Variants in TRPM3 observed in about 807,000 individuals in gnomAD.
TRPM3 encodes the protein transient receptor potential cation channel subfamily M member 3.
A neutral mutation model predicts 181.2 loss-of-function variants in TRPM3; 77 were observed. The observed-to-expected ratio is 0.42, with a 90% CI of 0.35 to 0.51. The LOEUF is 0.51. Ranked by LOEUF, TRPM3 falls within the 20% of genes least tolerant of loss-of-function variation. The pLI is 0.01. For synonymous variants in TRPM3, 745 were observed against 796.4 expected (o/e 0.94, Z 1.09); for missense variants, 1,759 against 2,196.7 (o/e 0.80, Z 3.98).
chr9:71,372,292 C>T (rs2132809239), intron 1 of TRPM3, among the ~76,000 whole-genome samples: 1 of 152,256 alleles, frequency 6.6e-6, no homozygotes, highest in South Asian at 2.1e-4. Flanking sequence ...CTTCAATGAA[C>T]ATACGCATCC....
upstream of TRPM3, chr9:71,121,628 T>C (rs542638055): frequency 1.3e-4 from 153 of 1,179,654 alleles, 1 homozygote; most frequent in Non-Finnish European, 1.5e-4. Context: ...GAATGCGCGC[T>C]CCCTCTCCCG....
intron 1 of TRPM3, among the ~76,000 whole-genome samples, chr9:71,223,720 G>T (rs548602922): frequency 6.6e-6 from 1 of 152,246 alleles, no homozygotes; most frequent in East Asian, 1.9e-4. Flanking sequence ...ACTACAATCT[G>T]ACTGAAGAAT....
At chr9:71,138,320 A>C (rs2074892881) in intron 1 of TRPM3, among the ~76,000 whole-genome samples, 1 of 152,176 alleles carries the variant, frequency 6.6e-6, no homozygotes, top group African/African-American at 2.4e-5. Context: ...GCTCCCATGC[A>C]TTTCAGGAGA....
chr9:70,889,803 GA>G (rs961294642), intron 1 of TRPM3, among the ~76,000 whole-genome samples: 5 of 151,702 alleles, frequency 3.3e-5, no homozygotes, highest in Non-Finnish European at 4.4e-5. Flanking sequence ...TACCATGAAA[GA>G]CAGGAACCAT....
chr9:71,279,048 AATAAAAATAAAAAT>A lies in TRPM3; in HGVS notation c.183+167591_183+167604del, dbSNP rs1565414229. On this transcript the variant is annotated intron_variant, in intron 1 of 24. Transcript: ENST00000357533. ...TCCTGCTTAGGTTAAAAAAAATAAA[AATAAAAATAAAAAT>A]AAAAAAACCACCAACGACCATTTAT... is the stretch of plus-strand genomic sequence containing the variant. Among the ~76,000 whole-genome samples, 56 of 127,188 alleles carry A rather than the reference AATAAAAATAAAAAT, an allele frequency of 4.4e-4. 9 individuals carry two copies. The East Asian group carries it at 5.8e-3, about 13-fold the overall frequency. 83.4% of individuals were successfully genotyped at this position (127,188 alleles called of 152,430 possible). A position where few individuals can be genotyped will look rare whatever the true frequency, so the allele number is the denominator to read the frequency against.
intron 1 of TRPM3, among the ~76,000 whole-genome samples, chr9:71,006,845 T>C (rs1427148990): frequency 7.8e-6 from 1 of 128,398 alleles, no homozygotes; most frequent in African/African-American, 3.0e-5. Context: ...CACTCCAGCC[T>C]GGGCGACAGA....
chr9:71,271,589 T>C (rs10781009), intron 1 of TRPM3, among the ~76,000 whole-genome samples: 80,567 of 150,392 alleles, frequency 0.54, 21,673 homozygotes, highest in African/African-American at 0.62. Flanking sequence ...AAGAGGGGAG[T>C]AAGGGGCTCT....
At chr9:70,932,189 T>C (rs1246194995) in intron 1 of TRPM3, among the ~76,000 whole-genome samples, 1 of 152,166 alleles carries the variant, frequency 6.6e-6, no homozygotes, top group Non-Finnish European at 1.5e-5. Flanking sequence ...CTCTCTACCC[T>C]TGCTTTATCA....
At chr9:71,307,811 CAT>C (rs1243103432) in intron 1 of TRPM3, among the ~76,000 whole-genome samples, 4 of 152,224 alleles carry the variant, frequency 2.6e-5, no homozygotes, top group Admixed American at 2.6e-4. Context: ...TTACTTTTCA[CAT>C]ATTTCATGCA....
intron 1 of TRPM3, among the ~76,000 whole-genome samples, chr9:71,218,867 G>C (rs2080064299): frequency 6.6e-6 from 1 of 152,170 alleles, no homozygotes; most frequent in African/African-American, 2.4e-5. Flanking sequence ...TCTTGTTGGG[G>C]ATACAAAATA....
upstream of TRPM3, among the ~76,000 whole-genome samples, chr9:71,123,219 T>C (rs1405870660): frequency 2.0e-5 from 3 of 152,236 alleles, no homozygotes; most frequent in African/African-American, 7.2e-5. Flanking sequence ...GGTAATTTAA[T>C]CTTACATAAG....
At chr9:71,282,634 G>A (rs1450532535) in intron 1 of TRPM3, among the ~76,000 whole-genome samples, 1 of 152,168 alleles carries the variant, frequency 6.6e-6, no homozygotes, top group Non-Finnish European at 1.5e-5. Flanking sequence ...GGAATTTAAA[G>A]TTAAAATTAA....
chr9:70,980,770 T>C (rs1308578174), intron 1 of TRPM3, among the ~76,000 whole-genome samples: 1 of 152,202 alleles, frequency 6.6e-6, no homozygotes, highest in East Asian at 1.9e-4. Context: ...GGTGATCAAC[T>C]GAAACATTCT....
intron 1 of TRPM3, among the ~76,000 whole-genome samples, chr9:71,212,833 T>G (rs2079590860): frequency 6.7e-6 from 1 of 148,150 alleles, no homozygotes; most frequent in East Asian, 2.0e-4. Flanking sequence ...GTGCTAAGAG[T>G]GATCACAGCC....
chr9:71,422,546 C>T (rs565292180), intron 1 of TRPM3, among the ~76,000 whole-genome samples: 15 of 151,890 alleles, frequency 9.9e-5, no homozygotes, highest in Admixed American at 2.6e-4. Context: ...TGAGGTTTTA[C>T]GAAATGTAGT....
At chr9:71,082,755 T>C (rs2064578433) in intron 1 of TRPM3, among the ~76,000 whole-genome samples, 1 of 152,136 alleles carries the variant, frequency 6.6e-6, no homozygotes, top group South Asian at 2.1e-4. Flanking sequence ...ACAAATCAAA[T>C]GGTTAATGAT....
intron 1 of TRPM3, among the ~76,000 whole-genome samples, chr9:71,439,999 T>C (rs892910224): frequency 2.6e-5 from 4 of 152,010 alleles, no homozygotes; most frequent in African/African-American, 9.7e-5. Flanking sequence ...GGCGGGCACC[T>C]GTAGTCCCAG....
intron 22 of TRPM3, among the ~76,000 whole-genome samples, chr9:70,578,939 A>G (rs1157123015): frequency 6.6e-6 from 1 of 152,156 alleles, no homozygotes; most frequent in African/African-American, 2.4e-5. Flanking sequence ...CTGGGTTGTG[A>G]CAACCAAAAT....
chr9:71,319,230 A>T (rs1050881527), intron 1 of TRPM3, among the ~76,000 whole-genome samples: 2 of 89,572 alleles, frequency 2.2e-5, no homozygotes, highest in Admixed American at 2.7e-4. Flanking sequence ...ACACATAGAG[A>T]CCTAGAAAGA....
Sources: allele counts gnomAD v4.1 joint callset (sites outside exome capture counted in the v4.1 genomes callset), GRCh38; gene constraint gnomAD v4.1.1; transcripts MANE v1.5; gene names NCBI Gene and HGNC (gene_info 2026-07-23, HGNC 2026-07-21).